The following SNUPN variants were observed in gnomAD, a reference collection of about 807,000 sequenced individuals.
SNUPN encodes the protein snurportin 1.
Under a neutral mutation model 39.2 loss-of-function variants are expected in SNUPN, and 31 were observed. That is an observed-to-expected ratio of 0.79 (90% CI 0.59 to 1.07). The LOEUF is 1.07. SNUPN is among the 50% of genes least tolerant of loss of function. The pLI is 0.00. For missense variants in SNUPN, 382 were observed against 434.2 expected (o/e 0.88, Z 1.07); for synonymous variants, 132 against 159.0 (o/e 0.83, Z 1.28).
At chr15:75,601,038 T>G (rs143462222) in intron 8 of SNUPN, 100 bp downstream of exon 8, 5 of 916,612 alleles carry the variant, frequency 5.5e-6, no homozygotes, top group Non-Finnish European at 7.2e-6. Context: ...TTCTGATGCT[T>G]TGACACAGCA....
intron 1 of SNUPN, among the ~76,000 whole-genome samples, chr15:75,623,962 C>G (rs1449706633): frequency 7.7e-6 from 1 of 130,054 alleles, no homozygotes. Context: ...GAGTCTCGCT[C>G]TGTCGCCCAG....
upstream of SNUPN, chr15:75,626,010 T>C (rs1893219659): frequency 6.6e-6 from 1 of 152,378 alleles, no homozygotes. Context: ...CTTTCGCCAA[T>C]GGGAGGAGGC....
intron 7 of SNUPN, among the ~76,000 whole-genome samples, chr15:75,602,188 A>T (rs2075292722): frequency 6.6e-6 from 1 of 152,118 alleles, no homozygotes; most frequent in South Asian, 2.1e-4. Flanking sequence ...AACCTGGGTG[A>T]CAGAGCGAGA....
chr15:75,601,098 T>TATCATCA (rs1567547453), intron 8 of SNUPN, 40 bp downstream of exon 8: 1 of 1,366,942 alleles, frequency 7.3e-7, no homozygotes, highest in South Asian at 1.2e-5. Flanking sequence ...CTCTGCAGCC[T>TATCATCA]ATCATCATGT....
rs780161064 is a variant in SNUPN, at chr15:75,617,574, A to C, written c.159-22T>G. On this transcript the variant is annotated intron_variant, in intron 2 of 8. Transcript: ENST00000308588. ...CTTGCTGGAAGGAAAAAAAAGGCAT[A>C]AGGACATATCTTTTCTTCTTTTTTT... The C allele has an allele frequency of 4.4e-6, 7 of 1,596,952 alleles. No homozygotes were observed. The South Asian group carries it at 6.9e-5, about 16-fold the overall frequency.
intron 1 of SNUPN, chr15:75,622,307 AAAG>A (rs1276882638): frequency 1.6e-5 from 16 of 983,278 alleles, no homozygotes; most frequent in Admixed American, 6.2e-5. Context: ...GGGTGGGCAG[AAAG>A]AAGGTTTCAG....
At chr15:75,609,167 A>G (rs1171450969) in intron 5 of SNUPN, among the ~76,000 whole-genome samples, 1 of 148,342 alleles carries the variant, frequency 6.7e-6, no homozygotes, top group Middle Eastern at 3.2e-3. Context: ...AAGCTATCAA[A>G]GTGGGTCTTT....
chr15:75,604,700 AC>A (rs1322944240), intron 7 of SNUPN, among the ~76,000 whole-genome samples: 1 of 152,212 alleles, frequency 6.6e-6, no homozygotes, highest in Non-Finnish European at 1.5e-5. Context: ...GAGATTATTA[AC>A]TTAACTTAGT....
intron 1 of SNUPN, chr15:75,624,962 G>C (rs1362768785): frequency 9.2e-6 from 2 of 216,976 alleles, no homozygotes; most frequent in Admixed American, 9.5e-5. Context: ...TTTTAGTACA[G>C]ATGGGGTTTC....
At chr15:75,613,642 C>CAAAA (rs58623437) in intron 3 of SNUPN, among the ~76,000 whole-genome samples, 2 of 128,510 alleles carry the variant, frequency 1.6e-5, no homozygotes, top group Non-Finnish European at 1.6e-5. Flanking sequence ...GACTCCAACT[C>CAAAA]AAAAAAAAAA....
At chr15:75,612,238 G>T (rs759273000) in intron 3 of SNUPN, among the ~76,000 whole-genome samples, 2 of 151,888 alleles carry the variant, frequency 1.3e-5, no homozygotes, top group Non-Finnish European at 1.5e-5. Context: ...TCACCATTTT[G>T]GCCAGGCTGG....
intron 2 of SNUPN, among the ~76,000 whole-genome samples, chr15:75,619,938 A>C (rs1255843686): frequency 6.6e-6 from 1 of 151,968 alleles, no homozygotes; most frequent in Non-Finnish European, 1.5e-5. Context: ...TAGTAGAGAC[A>C]AGTTTTCGCC....
intron 3 of SNUPN, among the ~76,000 whole-genome samples, chr15:75,614,208 T>C (rs1451248361): frequency 6.6e-6 from 1 of 152,086 alleles, no homozygotes; most frequent in African/African-American, 2.4e-5. Context: ...GGAAGATCAC[T>C]TAAACTCAGG....
At chr15:75,624,541 C>T (rs1425334868) in intron 1 of SNUPN, among the ~76,000 whole-genome samples, 1 of 149,036 alleles carries the variant, frequency 6.7e-6, no homozygotes, top group Non-Finnish European at 1.5e-5. Context: ...GGCATGGTGA[C>T]GGGCGCCTGT....
At chr15:75,604,354 G>T (rs2075315161) in intron 7 of SNUPN, among the ~76,000 whole-genome samples, 1 of 151,848 alleles carries the variant, frequency 6.6e-6, no homozygotes. Context: ...TAGAGACAGG[G>T]TTTTGCCATG....
Position 75,598,198 on chromosome 15 carries a change from T to C in SNUPN, c.*160A>G, listed in dbSNP as rs2075256256. The C allele has an allele frequency of 1.6e-6, 1 of 616,630 alleles. No homozygotes were observed. The highest frequency in any genetic ancestry group is 2.8e-6 in the Non-Finnish European group (1 of 355,054). 38.2% of individuals were successfully genotyped at this position (616,630 alleles called of 1,614,324 possible). On this transcript the variant is annotated 3_prime_UTR_variant, in exon 9 of 9. Transcript: ENST00000308588. Reference sequence around the variant, plus strand: ...AATCTGGGAACCTCCCCATAACTGTTTGAGCCAGCATTTCAGATTATAGAT... The same window carrying C: ...AATCTGGGAACCTCCCCATAACTGTCTGAGCCAGCATTTCAGATTATAGAT...
chr15:75,621,928 C>T (rs979550878), intron 1 of SNUPN, among the ~76,000 whole-genome samples: 3 of 152,104 alleles, frequency 2.0e-5, no homozygotes, highest in Non-Finnish European at 2.9e-5. Context: ...CCCAGCTACT[C>T]GGGAGGCTGA....
chr15:75,606,368 G>A (rs576227189), intron 6 of SNUPN, among the ~76,000 whole-genome samples: 1 of 152,054 alleles, frequency 6.6e-6, no homozygotes, highest in Non-Finnish European at 1.5e-5. Context: ...CCTGCATGAA[G>A]ATCACTGGAG....
chr15:75,603,978 G>A (rs569482579), intron 7 of SNUPN, among the ~76,000 whole-genome samples: 6 of 151,932 alleles, frequency 3.9e-5, no homozygotes, highest in East Asian at 1.9e-4. Flanking sequence ...TATCTACTTC[G>A]TAGGGTTACT....
Sources: gnomAD v4.1 joint callset for allele counts (sites outside exome capture counted in the v4.1 genomes callset) on GRCh38, gnomAD v4.1.1 for gene constraint, MANE v1.5 for transcripts, NCBI Gene and HGNC (gene_info 2026-07-23, HGNC 2026-07-21) for gene names.